The following VRK2 variants were observed in gnomAD, a reference collection of about 807,000 sequenced individuals.
The protein encoded by VRK2 is VRK serine/threonine kinase 2.
Under a neutral mutation model 57.6 loss-of-function variants are expected in VRK2, and 60 were observed. The observed-to-expected ratio is 1.04, with a 90% CI of 0.85 to 1.29. The LOEUF (loss-of-function observed/expected upper bound fraction) is 1.29, where lower values mean the gene tolerates loss of function less well. Ranked by LOEUF, VRK2 falls within the 50% of genes most tolerant of loss-of-function variation. The pLI, the probability that VRK2 is intolerant of heterozygous loss-of-function variation, is 0.00. For synonymous variants in VRK2, 231 were observed against 199.2 expected (o/e 1.16, Z -1.35); for missense variants, 705 against 588.1 (o/e 1.20, Z -2.06).
At chr2:58,041,071 G>T (rs1313298679) in intron 3 of VRK2, 2 of 984,356 alleles carry the variant, frequency 2.0e-6, no homozygotes, top group East Asian at 1.1e-4. Flanking sequence ...GATGTTAACT[G>T]GGGGGGAAAA....
rs1213911879 is a variant in VRK2 at position 58,159,444 on chromosome 2, A to AAACT, written c.1279_1282dup (p.Ser428Ter). ...AAAAAATCAGCTATACACAATTCCC[A>AAACT]AACTCATTTTATGAGCCTCATCAAG... On this transcript the variant is annotated frameshift_variant, in exon 13 of 13. Coordinates refer to ENST00000340157, the MANE Select transcript of VRK2 (RefSeq NM_006296.7). LOFTEE classifies it low-confidence loss of function (END_TRUNC). The AAACT allele has an allele frequency of 6.2e-7, 1 of 1,613,498 alleles. No homozygotes were observed. Among genetic ancestry groups the AAACT allele is most frequent in the African/African-American group, 1.3e-5 (1 of 74,904 alleles).
At chr2:58,123,771 C>T (rs145881548) in intron 8 of VRK2, among the ~76,000 whole-genome samples, 1 of 151,744 alleles carries the variant, frequency 6.6e-6, no homozygotes, top group Non-Finnish European at 1.5e-5. Flanking sequence ...AGGAGGATCA[C>T]TTGAGCCAAG....
chr2:57,955,416 G>A (rs542974158), intron 1 of VRK2, among the ~76,000 whole-genome samples: 5 of 151,846 alleles, frequency 3.3e-5, no homozygotes, highest in Non-Finnish European at 7.4e-5. Flanking sequence ...GATAATGATA[G>A]CAAAATATAA....
At chr2:58,036,463 G>T (rs915241539) in intron 3 of VRK2, among the ~76,000 whole-genome samples, 1 of 151,818 alleles carries the variant, frequency 6.6e-6, no homozygotes, top group Non-Finnish European at 1.5e-5. Context: ...TGTTGTAATA[G>T]GTAAAAAGTA....
chr2:58,117,760 G>A (rs1676750699), intron 7 of VRK2, among the ~76,000 whole-genome samples: 1 of 152,144 alleles, frequency 6.6e-6, no homozygotes, highest in South Asian at 2.1e-4. Context: ...CGGCATTGCA[G>A]AAGAAAATAA....
chr2:58,071,059 A>T (rs1353337142), intron 2 of VRK2, among the ~76,000 whole-genome samples: 1 of 152,108 alleles, frequency 6.6e-6, no homozygotes, highest in African/African-American at 2.4e-5. Flanking sequence ...TCCTGGTTAT[A>T]TATGATGTTA....
At chr2:58,097,992 T>C (rs75685584) in intron 7 of VRK2, among the ~76,000 whole-genome samples, 1,798 of 152,136 alleles carry the variant, frequency 0.012, 37 homozygotes, top group African/African-American at 0.041. Context: ...GCTCCATGCA[T>C]GTTATTGCCC....
chr2:57,963,978 T>C (rs956214490), intron 1 of VRK2, among the ~76,000 whole-genome samples: 6 of 152,206 alleles, frequency 3.9e-5, no homozygotes, highest in African/African-American at 1.4e-4. Context: ...GCCGCCTCTA[T>C]CTTTCTTCAG....
intron 7 of VRK2, among the ~76,000 whole-genome samples, chr2:58,117,787 G>C (rs1231791010): frequency 2.0e-5 from 3 of 152,146 alleles, no homozygotes; most frequent in Non-Finnish European, 4.4e-5. Context: ...TAGATTTTAG[G>C]TCAGTGAAAG....
At chr2:57,964,311 A>G (rs1274601125) in intron 1 of VRK2, among the ~76,000 whole-genome samples, 1 of 152,222 alleles carries the variant, frequency 6.6e-6, no homozygotes, top group African/African-American at 2.4e-5. Context: ...AAAGGTAGAG[A>G]AAATATATTT....
chr2:58,123,222 A>T lies in VRK2; in HGVS notation c.665A>T (p.His222Leu). The change falls in exon 8 of 13, where the codon CAC becomes CTC. Residue 222 changes from histidine (H) to leucine (L), a missense_variant. Physicochemically the swap from His to Leu is moderately conservative, Grantham distance 99 (BLOSUM62 -3). Coordinates refer to ENST00000340157, the MANE Select transcript of VRK2 (RefSeq NM_006296.7). ...GTIEFTSLDA[H>L]KGVALSRRSD... ...ATAGAGTTTACCAGCTTGGATGCCC[A>T]CAAGGGAGTAGGTGGGTTTCTTTTT... is the stretch of plus-strand genomic sequence containing the variant. The T allele has an allele frequency of 6.3e-7, 1 of 1,583,342 alleles. No homozygotes were observed.
chr2:57,959,082 T>G (rs539538947), intron 1 of VRK2, among the ~76,000 whole-genome samples: 1 of 152,344 alleles, frequency 6.6e-6, no homozygotes, highest in South Asian at 2.1e-4. Flanking sequence ...TTCATCCTAT[T>G]TTTTAGGAGC....
chr2:58,007,204 ATC>A (rs1249247551), intron 1 of VRK2, among the ~76,000 whole-genome samples: 3 of 145,792 alleles, frequency 2.1e-5, no homozygotes, highest in Non-Finnish European at 3.0e-5. Flanking sequence ...CTCATAATAA[ATC>A]TCTCTCTCTC....
At chr2:57,968,025 T>C (rs1165536805) in intron 1 of VRK2, among the ~76,000 whole-genome samples, 4 of 152,002 alleles carry the variant, frequency 2.6e-5, no homozygotes, top group Non-Finnish European at 4.4e-5. Flanking sequence ...AGATAAGTTA[T>C]ACATGAGATA....
intron 10 of VRK2, 108 bp downstream of exon 10, chr2:58,135,307 G>T: frequency 8.5e-7 from 1 of 1,172,720 alleles, no homozygotes; most frequent in Middle Eastern, 2.0e-4. Context: ...TTCCCATCAG[G>T]GTGGGAAGGA....
chr2:58,071,264 T>A (rs1409974802), intron 2 of VRK2, among the ~76,000 whole-genome samples: 2 of 152,098 alleles, frequency 1.3e-5, no homozygotes, highest in African/African-American at 4.8e-5. Context: ...TATTATTTTC[T>A]TAACAGTGTC....
intron 9 of VRK2, 60 bp downstream of exon 9, chr2:58,131,988 G>T (rs1173633818): frequency 4.4e-6 from 7 of 1,596,164 alleles, no homozygotes; most frequent in Admixed American, 1.8e-5. Flanking sequence ...TACATTAAAG[G>T]GAGCTAACAA....
chr2:58,154,321 CTTTT>C (rs149177287), intron 12 of VRK2, among the ~76,000 whole-genome samples: 2 of 146,124 alleles, frequency 1.4e-5, no homozygotes, highest in Non-Finnish European at 3.0e-5. Flanking sequence ...CTTTGGATTT[CTTTT>C]TTTTTTAATT....
intron 2 of VRK2, among the ~76,000 whole-genome samples, chr2:58,049,937 T>C: frequency 6.6e-6 from 1 of 152,202 alleles, no homozygotes; most frequent in East Asian, 1.9e-4. Context: ...TATTAAATAC[T>C]TAAGTGTCTA....
Sources: gnomAD v4.1 joint callset for allele counts (sites outside exome capture counted in the v4.1 genomes callset) on GRCh38, gnomAD v4.1.1 for gene constraint, MANE v1.5 for transcripts, NCBI Gene and HGNC (gene_info 2026-07-23, HGNC 2026-07-21) for gene names.